Variants in CGGBP1 observed in about 807,000 individuals in gnomAD.
The protein encoded by CGGBP1 is CGG triplet repeat binding protein 1.
CGGBP1 carries 4 observed loss-of-function variants against 11.4 expected under a neutral mutation model. The ratio of observed to expected loss-of-function variants is 0.35; its 90% CI spans 0.17 to 0.80. The LOEUF (loss-of-function observed/expected upper bound fraction) is 0.80, where lower values mean the gene tolerates loss of function less well. CGGBP1 is among the 30% of genes least tolerant of loss of function. The probability of loss-of-function intolerance (pLI) is 0.52; values close to 1 mark genes in which losing one functional copy is unlikely to be tolerated. For missense variants in CGGBP1, 135 were observed against 202.1 expected, an observed-to-expected ratio of 0.67 and a Z score of 2.01; for synonymous variants, 76 against 74.1, an observed-to-expected ratio of 1.03 and a Z score of -0.13.
chr3:88,112,116 TGTA>T (rs1705128218), intron 2 of CGGBP1, among the ~76,000 whole-genome samples: 2 of 151,892 alleles, frequency 1.3e-5, no homozygotes, highest in South Asian at 2.1e-4. Flanking sequence ...TTTTAAAATT[TGTA>T]GTAGTCAAAT....
intron 2 of CGGBP1, among the ~76,000 whole-genome samples, chr3:88,077,185 G>C (rs1707850748): frequency 6.6e-6 from 1 of 152,148 alleles, no homozygotes; most frequent in East Asian, 1.9e-4. Context: ...AATCAGAATA[G>C]GGGAGGAGGA....
intron 2 of CGGBP1, among the ~76,000 whole-genome samples, chr3:88,104,379 C>A (rs538281653): frequency 6.6e-6 from 1 of 152,182 alleles, no homozygotes; most frequent in Non-Finnish European, 1.5e-5. Flanking sequence ...ACCGTAGTGT[C>A]TCTGTAACTA....
intron 2 of CGGBP1, among the ~76,000 whole-genome samples, chr3:88,078,150 G>GAT (rs1475826996): frequency 6.6e-6 from 1 of 152,130 alleles, no homozygotes; most frequent in Non-Finnish European, 1.5e-5. Flanking sequence ...GTAGGGTTTT[G>GAT]ATATATATTC....
chr3:88,085,522 TA>T (rs1708294407), intron 2 of CGGBP1, among the ~76,000 whole-genome samples: 2 of 152,224 alleles, frequency 1.3e-5, no homozygotes, highest in Non-Finnish European at 2.9e-5. Flanking sequence ...GCAGTAGTTT[TA>T]GATGATGGAT....
intron 1 of CGGBP1, among the ~76,000 whole-genome samples, chr3:88,148,189 T>C (rs1707343411): frequency 6.6e-6 from 1 of 152,342 alleles, no homozygotes; most frequent in African/African-American, 2.4e-5. Flanking sequence ...CCTTGTCTTC[T>C]GGATTTATTT....
chr3:88,120,771 AAAT>A (rs776460361), intron 2 of CGGBP1, among the ~76,000 whole-genome samples: 14 of 150,870 alleles, frequency 9.3e-5, no homozygotes, highest in East Asian at 2.0e-4. Flanking sequence ...GATGAAACTA[AAAT>A]AATGTTTTAA....
chr3:88,064,918 T>C (rs1707109356), intron 2 of CGGBP1, among the ~76,000 whole-genome samples: 1 of 152,250 alleles, frequency 6.6e-6, no homozygotes, highest in African/African-American at 2.4e-5. Flanking sequence ...TTGCAGTCAC[T>C]TATTTACTTT....
intron 2 of CGGBP1, among the ~76,000 whole-genome samples, chr3:88,104,694 G>A (rs1296291898): frequency 1.3e-5 from 2 of 152,180 alleles, no homozygotes; most frequent in African/African-American, 2.4e-5. Flanking sequence ...CTAAAAACAG[G>A]TGAATGTGTT....
intron 2 of CGGBP1, among the ~76,000 whole-genome samples, chr3:88,110,089 G>A (rs1704997531): frequency 6.6e-6 from 1 of 152,086 alleles, no homozygotes; most frequent in African/African-American, 2.4e-5. Flanking sequence ...ATAAATAATG[G>A]TTGTACTATG....
exon 1 of CGGBP1, chr3:88,149,785 T>G: frequency 3.1e-6 from 1 of 327,814 alleles, no homozygotes; most frequent in Non-Finnish European, 5.7e-6. Context: ...CCCTTGCGGA[T>G]AGTCTATGTT....
At chr3:88,074,623 G>T (rs537441192) in intron 2 of CGGBP1, among the ~76,000 whole-genome samples, 1 of 152,102 alleles carries the variant, frequency 6.6e-6, no homozygotes, top group East Asian at 1.9e-4. Context: ...TTATAAGCGT[G>T]AGCCACTGCG....
intron 2 of CGGBP1, among the ~76,000 whole-genome samples, chr3:88,064,081 A>G (rs991021696): frequency 8.0e-5 from 12 of 149,608 alleles, no homozygotes; most frequent in African/African-American, 2.9e-4. Context: ...GAAAACAAGA[A>G]TGGATATTAT....
chr3:88,147,296 T>A (rs1707328842), intron 1 of CGGBP1, among the ~76,000 whole-genome samples: 2 of 152,282 alleles, frequency 1.3e-5, no homozygotes, highest in Non-Finnish European at 2.9e-5. Flanking sequence ...TTAAGCAAGA[T>A]GATGAGGTAA....
Position 88,135,241 on chromosome 3 carries a change from G to GT in CGGBP1, c.-229+5728dup, listed in dbSNP as rs934750896. 3 of 1,353,974 alleles carry GT rather than the reference G, an allele frequency of 2.2e-6. No individual in the cohort carries two copies. The African/African-American group carries it at 4.6e-5, about 21-fold the overall frequency. The allele number at this position is 1,353,974 out of a possible 1,614,324, so 83.9% of individuals were successfully genotyped here. A position where few individuals can be genotyped will look rare whatever the true frequency, so the allele number is the denominator to read the frequency against. ...ATTTGTCCCTTAAATTTAAAATTGA[G>GT]TGACAGTTCACTGAAACTTGAATCT... is the stretch of plus-strand genomic sequence containing the variant. On this transcript the variant is annotated intron_variant, in intron 2 of 3. Coordinates refer to the CGGBP1 transcript ENST00000462901.
At chr3:88,086,024 T>C (rs1708320260) in intron 2 of CGGBP1, among the ~76,000 whole-genome samples, 1 of 152,200 alleles carries the variant, frequency 6.6e-6, no homozygotes, top group South Asian at 2.1e-4. Context: ...ACATTGGTAG[T>C]TGAATAGTAC....
At chr3:88,110,671 C>A (rs1705035120) in intron 2 of CGGBP1, among the ~76,000 whole-genome samples, 1 of 152,024 alleles carries the variant, frequency 6.6e-6, no homozygotes, top group East Asian at 1.9e-4. Context: ...CTGCACCCTA[C>A]AGAGTTTTCT....
At chr3:88,102,261 T>C (rs1704470078) in intron 2 of CGGBP1, among the ~76,000 whole-genome samples, 1 of 152,186 alleles carries the variant, frequency 6.6e-6, no homozygotes, top group Non-Finnish European at 1.5e-5. Context: ...CAAAAAACTT[T>C]TTAGAAACCA....
At chr3:88,059,653 A>G (rs1706731116), upstream of CGGBP1, 2 of 841,182 alleles carry the variant, frequency 2.4e-6, no homozygotes, top group East Asian at 1.5e-4. Flanking sequence ...TCCTCCACTT[A>G]TCCGGCTTGG....
At chr3:88,130,008 C>T (rs112160467) in intron 2 of CGGBP1, among the ~76,000 whole-genome samples, 7 of 152,154 alleles carry the variant, frequency 4.6e-5, no homozygotes, top group African/African-American at 1.7e-4. Flanking sequence ...TGATAATGTG[C>T]CACTAAACTG....
Sources: allele counts gnomAD v4.1 joint callset (sites outside exome capture counted in the v4.1 genomes callset), GRCh38; gene constraint gnomAD v4.1.1; transcripts MANE v1.5; gene names NCBI Gene and HGNC (gene_info 2026-07-23, HGNC 2026-07-21).